Variants in PRIM2 observed in about 807,000 individuals in gnomAD.
PRIM2 encodes the protein DNA primase large subunit.
A neutral mutation model predicts 67.3 loss-of-function variants in PRIM2; 39 were observed. The ratio of observed to expected loss-of-function variants is 0.58; its 90% CI spans 0.45 to 0.76. The LOEUF (loss-of-function observed/expected upper bound fraction) is 0.76, where lower values mean the gene tolerates loss of function less well. Among genes scored for constraint, PRIM2 ranks in the 30% least tolerant of loss-of-function variants. The pLI is 0.00. For missense variants in PRIM2, 398 were observed against 598.7 expected (o/e 0.66, Z 3.50); for synonymous variants, 143 against 198.7 (o/e 0.72, Z 2.36).
At chr6:57,327,430 A>G (rs1767902861) in intron 5 of PRIM2, among the ~76,000 whole-genome samples, 1 of 152,232 alleles carries the variant, frequency 6.6e-6, no homozygotes, top group Admixed American at 6.5e-5. Context: ...AAGGAACACT[A>G]TGGAGTATAT....
chr6:57,502,451 T>C (rs1204468471), intron 7 of PRIM2, among the ~76,000 whole-genome samples: 1 of 152,204 alleles, frequency 6.6e-6, no homozygotes, highest in East Asian at 1.9e-4. Context: ...TGTTCTCTGC[T>C]TCACTATCCG....
chr6:57,278,712 G>GA, the PRIM2 span, among the ~76,000 whole-genome samples: 2 of 151,664 alleles, frequency 1.3e-5, no homozygotes, highest in African/African-American at 2.4e-5. Context: ...GTACAGTAGA[G>GA]AAAAAAGGAG....
At chr6:57,500,415 A>G (rs1774107861) in intron 7 of PRIM2, among the ~76,000 whole-genome samples, 1 of 152,228 alleles carries the variant, frequency 6.6e-6, no homozygotes, top group Admixed American at 6.5e-5. Context: ...AACCAGTGTC[A>G]ACATATTGTC....
At chr6:57,227,399 T>C in the PRIM2 span, among the ~76,000 whole-genome samples, 1 of 152,142 alleles carries the variant, frequency 6.6e-6, no homozygotes, top group African/African-American at 2.4e-5. Context: ...ATCCCAGCAC[T>C]TTGGGAGGCC....
chr6:57,586,700 G>T (rs1226198448), intron 10 of PRIM2, among the ~76,000 whole-genome samples: 1 of 152,186 alleles, frequency 6.6e-6, no homozygotes, highest in Non-Finnish European at 1.5e-5. Flanking sequence ...AGGAAAGGAA[G>T]CACAGTACCC....
At position 57,473,688 on chromosome 6, in the gene PRIM2, A is replaced by T. The variant is rs1773393605; in HGVS notation, c.694-33699A>T. On this transcript the variant is annotated intron_variant, in intron 7 of 13. Coordinates refer to ENST00000615550, the MANE Select transcript of PRIM2 (RefSeq NM_000947.5). ...AAACAAACGAACAAAACCGGGTTGC[A>T]TTATTTTTTCCTGAGCTTCTGTGAT... Among the ~76,000 whole-genome samples the T allele has an allele frequency of 2.0e-5, 3 of 152,278 alleles. No homozygotes were observed. In the South Asian group the frequency reaches 6.2e-4, roughly 32 times the overall value.
intron 12 of PRIM2, 148 bp from the exon 13 acceptor site, chr6:57,631,985 A>G: frequency 2.1e-6 from 1 of 470,626 alleles, no homozygotes; most frequent in Non-Finnish European, 3.8e-6. Flanking sequence ...CACAGTGTCC[A>G]GGCTGCAGAA....
At chr6:57,512,777 A>G (rs1774398523) in intron 8 of PRIM2, among the ~76,000 whole-genome samples, 1 of 152,022 alleles carries the variant, frequency 6.6e-6, no homozygotes, top group Non-Finnish European at 1.5e-5. Flanking sequence ...TTTTATTTTT[A>G]GTAGGGATGG....
chr6:57,477,019 C>T (rs1296621564), intron 7 of PRIM2, among the ~76,000 whole-genome samples: 2 of 152,120 alleles, frequency 1.3e-5, no homozygotes, highest in Admixed American at 6.5e-5. Flanking sequence ...TTTATTGGGC[C>T]TCACTCTGTC....
intron 10 of PRIM2, among the ~76,000 whole-genome samples, chr6:57,573,072 C>T (rs1775891617): frequency 6.6e-6 from 1 of 152,222 alleles, no homozygotes; most frequent in African/African-American, 2.4e-5. Flanking sequence ...AATCCTTCTG[C>T]CTTGGCCTCT....
intron 10 of PRIM2, among the ~76,000 whole-genome samples, chr6:57,559,135 G>GA (rs1260639270): frequency 0.012 from 1,487 of 122,940 alleles, 11 homozygotes; most frequent in Middle Eastern, 0.065. Flanking sequence ...GCGTCTTAAA[G>GA]AAAAAAAAAA....
At chr6:57,512,825 G>T (rs1554347838) in intron 8 of PRIM2, among the ~76,000 whole-genome samples, 2 of 152,130 alleles carry the variant, frequency 1.3e-5, no homozygotes, top group Non-Finnish European at 2.9e-5. Context: ...TCTAACTCCA[G>T]ACCTCAGGTG....
chr6:57,596,748 T>C (rs1439377433), intron 10 of PRIM2, among the ~76,000 whole-genome samples: 7,885 of 148,130 alleles, frequency 0.053, 256 homozygotes, highest in Non-Finnish European at 0.062. Context: ...ACTGAGGCAA[T>C]TTTTGAAAGA....
At chr6:57,324,364 A>C (rs949413429) in intron 4 of PRIM2, 84 bp downstream of exon 4, 17 of 752,100 alleles carry the variant, frequency 2.3e-5, no homozygotes, top group African/African-American at 7.0e-5. Flanking sequence ...TGTTGTGCTA[A>C]ACATAGGAAA....
intron 10 of PRIM2, among the ~76,000 whole-genome samples, chr6:57,573,221 T>G (rs1439770366): frequency 6.6e-6 from 1 of 152,262 alleles, no homozygotes; most frequent in African/African-American, 2.4e-5. Context: ...ATCAAAATAG[T>G]ATTATTCCCG....
intron 8 of PRIM2, among the ~76,000 whole-genome samples, chr6:57,531,214 A>G (rs1774882206): frequency 1.3e-5 from 2 of 152,286 alleles, no homozygotes; most frequent in Non-Finnish European, 1.5e-5. Context: ...ATGCTCAGGC[A>G]TGATCATGGC....
chr6:57,558,879 G>T, intron 10 of PRIM2, among the ~76,000 whole-genome samples: 1 of 152,160 alleles, frequency 6.6e-6, no homozygotes, highest in East Asian at 1.9e-4. Context: ...TATAATCTCA[G>T]TGCTGTGGGT....
At chr6:57,237,433 T>C in the PRIM2 span, among the ~76,000 whole-genome samples, 1 of 152,136 alleles carries the variant, frequency 6.6e-6, no homozygotes, top group Admixed American at 6.5e-5. Flanking sequence ...GATCCCATTT[T>C]TCAATTTTGG....
chr6:57,458,094 A>G (rs1772866962), intron 7 of PRIM2, among the ~76,000 whole-genome samples: 2 of 152,202 alleles, frequency 1.3e-5, no homozygotes, highest in Admixed American at 1.3e-4. Context: ...GTATCGGTCA[A>G]AATAAGCTAA....
Sources: allele counts gnomAD v4.1 joint callset (sites outside exome capture counted in the v4.1 genomes callset), GRCh38; gene constraint gnomAD v4.1.1; transcripts MANE v1.5; gene names NCBI Gene and HGNC (gene_info 2026-07-23, HGNC 2026-07-21).